COP1: variants seen among roughly 807,000 people sequenced by gnomAD.
COP1 encodes E3 ubiquitin-protein ligase COP1.
In COP1, 24 loss-of-function variants were observed where a neutral mutation model predicts 101.3. The ratio of observed to expected loss-of-function variants is 0.24; its 90% CI spans 0.17 to 0.33. The LOEUF (loss-of-function observed/expected upper bound fraction) is 0.33. COP1 is among the 10% of genes least tolerant of loss of function. The probability of loss-of-function intolerance (pLI) is 1.00; values close to 1 mark genes in which losing one functional copy is unlikely to be tolerated. For missense variants in COP1, 663 were observed against 906.2 expected, an observed-to-expected ratio of 0.73 and a Z score of 3.45; for synonymous variants, 347 against 341.9, an observed-to-expected ratio of 1.01 and a Z score of -0.17.
chr1:175,994,571 CA>C (rs1213629814), intron 15 of COP1, among the ~76,000 whole-genome samples: 3 of 151,630 alleles, frequency 2.0e-5, no homozygotes, highest in Admixed American at 6.6e-5. Context: ...AAATGGAAAA[CA>C]AAAAAAGGCA....
intron 3 of COP1, among the ~76,000 whole-genome samples, chr1:176,174,559 A>AT (rs546368583): frequency 0.015 from 918 of 60,996 alleles, 12 homozygotes; most frequent in African/African-American, 0.029. Context: ...ATTTTCCTTC[A>AT]TAAAAAAAAA....
At chr1:175,986,815 C>G in intron 18 of COP1, 128 bp downstream of exon 18, 1 of 633,780 alleles carries the variant, frequency 1.6e-6, no homozygotes. Flanking sequence ...TCTTTGGTGA[C>G]ACATTACAAA....
intron 11 of COP1, among the ~76,000 whole-genome samples, chr1:176,074,830 C>T (rs1413539907): frequency 6.6e-6 from 1 of 151,018 alleles, no homozygotes; most frequent in Admixed American, 6.6e-5. Flanking sequence ...TGTATAGTCA[C>T]ATAACTACAG....
intron 1 of COP1, among the ~76,000 whole-genome samples, chr1:176,194,829 A>G (rs1394931001): frequency 6.6e-6 from 1 of 152,050 alleles, no homozygotes; most frequent in Non-Finnish European, 1.5e-5. Flanking sequence ...TAATTCCAGC[A>G]CTATGGGAGC....
At chr1:176,004,569 T>G (rs1446505326) in intron 15 of COP1, among the ~76,000 whole-genome samples, 1 of 152,194 alleles carries the variant, frequency 6.6e-6, no homozygotes, top group Non-Finnish European at 1.5e-5. Context: ...GAAGGGTTGT[T>G]GCATTTTGTT....
chr1:176,151,422 A>G (rs1236390044), intron 5 of COP1, among the ~76,000 whole-genome samples: 1 of 151,526 alleles, frequency 6.6e-6, no homozygotes, highest in Non-Finnish European at 1.5e-5. Context: ...AGAAAGAAAC[A>G]TATTTAGAAT....
At chr1:175,994,228 A>G (rs1353883708) in intron 15 of COP1, among the ~76,000 whole-genome samples, 1 of 152,236 alleles carries the variant, frequency 6.6e-6, no homozygotes, top group Non-Finnish European at 1.5e-5. Flanking sequence ...CTGCCCTAAA[A>G]GAGCTCCTGA....
intron 5 of COP1, among the ~76,000 whole-genome samples, chr1:176,151,076 C>G (rs1394459574): frequency 2.0e-5 from 3 of 151,956 alleles, no homozygotes; most frequent in Admixed American, 6.6e-5. Flanking sequence ...AAATTTTTAA[C>G]ATGAAAGTAA....
intron 18 of COP1, among the ~76,000 whole-genome samples, chr1:175,970,011 T>G (rs1652926450): frequency 7.2e-5 from 11 of 152,168 alleles, no homozygotes; most frequent in Admixed American, 7.2e-4. Flanking sequence ...TAGGCAGACT[T>G]AAATTTTATT....
intron 1 of COP1, among the ~76,000 whole-genome samples, chr1:176,193,263 A>G (rs1327413937): frequency 6.6e-6 from 1 of 152,226 alleles, no homozygotes; most frequent in African/African-American, 2.4e-5. Context: ...ATTATCAAAA[A>G]GGAAAACAAC....
At chr1:176,042,138 G>A (rs938523921) in intron 14 of COP1, among the ~76,000 whole-genome samples, 4 of 151,588 alleles carry the variant, frequency 2.6e-5, no homozygotes, top group Non-Finnish European at 4.4e-5. Flanking sequence ...GAGTGTGGCG[G>A]TGCACACCTA....
intron 3 of COP1, among the ~76,000 whole-genome samples, chr1:176,171,572 C>A (rs1020072472): frequency 6.6e-6 from 1 of 152,118 alleles, no homozygotes; most frequent in Non-Finnish European, 1.5e-5. Context: ...CACACCTTGG[C>A]TAAAAGATCT....
At chr1:176,115,860 T>G (rs1454203834) in intron 9 of COP1, among the ~76,000 whole-genome samples, 3 of 152,190 alleles carry the variant, frequency 2.0e-5, no homozygotes, top group Non-Finnish European at 4.4e-5. Flanking sequence ...GAGTAAAGGT[T>G]AAAATACTCA....
chr1:176,031,587 G>A (rs1212316889), intron 14 of COP1, among the ~76,000 whole-genome samples: 2 of 152,058 alleles, frequency 1.3e-5, no homozygotes, highest in Admixed American at 1.3e-4. Flanking sequence ...AAAATACACT[G>A]TATTTATTTA....
intron 6 of COP1, among the ~76,000 whole-genome samples, chr1:176,143,876 C>G (rs1691145077): frequency 6.6e-6 from 1 of 152,090 alleles, no homozygotes; most frequent in African/African-American, 2.4e-5. Flanking sequence ...GCATCAGATG[C>G]ACAAAAATTC....
intron 9 of COP1, among the ~76,000 whole-genome samples, chr1:176,104,752 C>T (rs1260766491): frequency 6.6e-6 from 1 of 152,118 alleles, no homozygotes; most frequent in African/African-American, 2.4e-5. Context: ...TTGGTACTAT[C>T]CATTCATACC....
At chr1:176,002,433 C>A (rs939629561) in intron 15 of COP1, among the ~76,000 whole-genome samples, 2 of 151,782 alleles carry the variant, frequency 1.3e-5, no homozygotes, top group African/African-American at 4.8e-5. Context: ...TATACATGTG[C>A]CATGCTGGTG....
intron 15 of COP1, among the ~76,000 whole-genome samples, chr1:176,003,940 G>A (rs1018444336): frequency 6.6e-6 from 1 of 152,006 alleles, no homozygotes; most frequent in Non-Finnish European, 1.5e-5. Context: ...ATTACCCTGG[G>A]CAGTATGGCC....
intron 14 of COP1, among the ~76,000 whole-genome samples, chr1:176,039,749 G>A (rs75633268): frequency 0.066 from 9,977 of 152,206 alleles, 453 homozygotes; most frequent in Non-Finnish European, 0.087. Context: ...AAAGACTAAA[G>A]ATAAACTCTT....
Sources: allele counts gnomAD v4.1 joint callset (sites outside exome capture counted in the v4.1 genomes callset), GRCh38; gene constraint gnomAD v4.1.1; transcripts MANE v1.5; gene names NCBI Gene and HGNC (gene_info 2026-07-23, HGNC 2026-07-21).